Variants in LDLRAD4 observed in about 807,000 individuals in gnomAD.
LDLRAD4 encodes the protein low-density lipoprotein receptor class A domain-containing protein 4.
In LDLRAD4, 5 loss-of-function variants were observed where a neutral mutation model predicts 17.0. That is an observed-to-expected ratio of 0.29 (90% CI 0.15 to 0.62). The LOEUF is 0.62. LDLRAD4 is among the 20% of genes least tolerant of loss of function. The pLI is 0.84. For missense variants in LDLRAD4, 340 were observed against 424.7 expected (o/e 0.80, Z 1.75); for synonymous variants, 168 against 171.8 (o/e 0.98, Z 0.17).
intron 2 of LDLRAD4, among the ~76,000 whole-genome samples, chr18:13,388,647 A>G (rs921963808): frequency 2.0e-5 from 3 of 152,110 alleles, no homozygotes; most frequent in Non-Finnish European, 4.4e-5. Flanking sequence ...ATGCCTGGAG[A>G]GAGGGGCAGG....
rs117054046 is a variant in LDLRAD4, at chr18:13,391,349, A to C, written c.40+3587A>C. Among the ~76,000 whole-genome samples the C allele has an allele frequency of 5.4e-3, 816 of 151,968 alleles. 6 individuals are homozygous for C. Among genetic ancestry groups the C allele is most frequent in the Middle Eastern group, 0.014 (4 of 294 alleles). ...CTGCCATGAAGCTGCGTTTGTTTGG[A>C]GCGTGTGAAAGTACCATGAAGGGGG... On this transcript the variant is annotated intron_variant, in intron 2 of 5. Transcript: ENST00000359446.
At chr18:13,315,966 T>C (rs1230543977) in intron 1 of LDLRAD4, among the ~76,000 whole-genome samples, 5 of 151,114 alleles carry the variant, frequency 3.3e-5, no homozygotes, top group Non-Finnish European at 7.4e-5. Flanking sequence ...AAGAAAAGAA[T>C]GAAAAAATAG....
At chr18:13,536,750 G>GCT (rs982841585) in intron 3 of LDLRAD4, among the ~76,000 whole-genome samples, 1 of 152,076 alleles carries the variant, frequency 6.6e-6, no homozygotes, top group African/African-American at 2.4e-5. Flanking sequence ...AGTAATATGA[G>GCT]CTGTATGTTT....
At chr18:13,626,809 G>C (rs1324646825) in intron 4 of LDLRAD4, among the ~76,000 whole-genome samples, 1 of 152,228 alleles carries the variant, frequency 6.6e-6, no homozygotes, top group African/African-American at 2.4e-5. Flanking sequence ...CTTGGTGGCT[G>C]TCAGCCCTCT....
intron 3 of LDLRAD4, among the ~76,000 whole-genome samples, chr18:13,540,643 G>A (rs2094266854): frequency 6.6e-6 from 1 of 152,174 alleles, no homozygotes; most frequent in African/African-American, 2.4e-5. Flanking sequence ...CTGCTGGCTG[G>A]AAAATAATCT....
At chr18:13,421,817 A>AG (rs1439755021) in intron 2 of LDLRAD4, among the ~76,000 whole-genome samples, 2 of 152,064 alleles carry the variant, frequency 1.3e-5, no homozygotes, top group African/African-American at 4.8e-5. Context: ...GCAGGAAAAA[A>AG]CGTGCCCTTC....
intron 3 of LDLRAD4, among the ~76,000 whole-genome samples, chr18:13,497,953 G>A (rs578038227): frequency 2.1e-5 from 3 of 139,736 alleles, no homozygotes; most frequent in Non-Finnish European, 4.6e-5. Flanking sequence ...AATCCTTCTC[G>A]CCATACACGT....
At chr18:13,538,865 C>A (rs1214159523) in intron 3 of LDLRAD4, among the ~76,000 whole-genome samples, 6 of 152,192 alleles carry the variant, frequency 3.9e-5, no homozygotes, top group African/African-American at 1.4e-4. Flanking sequence ...TCAGGGAAGT[C>A]AGGCTCTGGT....
intron 1 of LDLRAD4, among the ~76,000 whole-genome samples, chr18:13,253,876 G>A (rs1341517852): frequency 1.3e-5 from 2 of 152,286 alleles, no homozygotes; most frequent in East Asian, 3.9e-4. Flanking sequence ...GGATGGTGGC[G>A]CCTCCCTCGC....
rs1452360809 is a variant in LDLRAD4, at chr18:13,529,700, A to G, written c.181+91316A>G. On this transcript the variant is annotated intron_variant, in intron 3 of 5. Transcript: ENST00000359446. ...AAAAGAAAATATAACTTTTGGATCAATAGCGATCCTATCCTTTCTCTGAAT... is the reference window on the plus strand; with the variant it reads ...AAAAGAAAATATAACTTTTGGATCAGTAGCGATCCTATCCTTTCTCTGAAT... Among the ~76,000 whole-genome samples the G allele has an allele frequency of 3.9e-5, 6 of 152,384 alleles. No homozygotes were observed. The East Asian group carries it at 1.2e-3, about 29-fold the overall frequency.
chr18:13,441,814 G>GT (rs1338374521), intron 3 of LDLRAD4, among the ~76,000 whole-genome samples: 2 of 152,208 alleles, frequency 1.3e-5, no homozygotes, highest in African/African-American at 4.8e-5. Flanking sequence ...CCAGGCTGAG[G>GT]CATAGTGGGT....
At chr18:13,529,741 A>G (rs1183545273) in intron 3 of LDLRAD4, among the ~76,000 whole-genome samples, 4 of 152,228 alleles carry the variant, frequency 2.6e-5, no homozygotes, top group African/African-American at 9.6e-5. Flanking sequence ...CAGGACATTT[A>G]AATAATGTGT....
At chr18:13,380,113 G>A (rs1424676891) in intron 1 of LDLRAD4, among the ~76,000 whole-genome samples, 1 of 152,240 alleles carries the variant, frequency 6.6e-6, no homozygotes, top group African/African-American at 2.4e-5. Flanking sequence ...CACAGTGGAG[G>A]TGTCTGTGAT....
intron 1 of LDLRAD4, among the ~76,000 whole-genome samples, chr18:13,380,283 T>G (rs1276583210): frequency 6.6e-6 from 1 of 152,228 alleles, no homozygotes; most frequent in Non-Finnish European, 1.5e-5. Flanking sequence ...ATTCCCTGAT[T>G]CCCAGCGAGC....
chr18:13,605,940 A>G (rs543493635), intron 3 of LDLRAD4, among the ~76,000 whole-genome samples: 1 of 152,272 alleles, frequency 6.6e-6, no homozygotes, highest in South Asian at 2.1e-4. Flanking sequence ...TGCAGGCTCC[A>G]GTTCCCCAGG....
chr18:13,589,596 C>A (rs2094982918), intron 3 of LDLRAD4, among the ~76,000 whole-genome samples: 1 of 152,180 alleles, frequency 6.6e-6, no homozygotes, highest in Admixed American at 6.5e-5. Flanking sequence ...ACCTGCAGCC[C>A]TGTGGCCTTG....
chr18:13,609,530 CGTGTGTGT>C lies in LDLRAD4; in HGVS notation c.182-11566_182-11559del, dbSNP rs72225166. Among the ~76,000 whole-genome samples the C allele has an allele frequency of 2.0e-3, 292 of 149,536 alleles. 2 individuals are homozygous for C. In the East Asian group the frequency reaches 0.03, roughly 15 times the overall value. On this transcript the variant is annotated intron_variant, in intron 3 of 5. Transcript: ENST00000359446. ...AGCGCTCATTATGCGTGTGTGTGTG[CGTGTGTGT>C]GTGTGTGTGTGTGTGTGTGTTAGGT...
chr18:13,499,172 A>G (rs1407619249), intron 3 of LDLRAD4, among the ~76,000 whole-genome samples: 2 of 145,436 alleles, frequency 1.4e-5, no homozygotes, highest in Non-Finnish European at 3.0e-5. Flanking sequence ...CGCCGTGGAC[A>G]CTGGAGAATC....
At chr18:13,248,525 T>G (rs2043080888) in intron 1 of LDLRAD4, among the ~76,000 whole-genome samples, 1 of 152,224 alleles carries the variant, frequency 6.6e-6, no homozygotes, top group Non-Finnish European at 1.5e-5. Context: ...TGCTAGTAGG[T>G]TTGTAAGTTT....
Sources: allele counts gnomAD v4.1 joint callset (sites outside exome capture counted in the v4.1 genomes callset), GRCh38; gene constraint gnomAD v4.1.1; transcripts MANE v1.5; gene names NCBI Gene and HGNC (gene_info 2026-07-23, HGNC 2026-07-21).